LAMC1: variants seen among roughly 807,000 people sequenced by gnomAD.
LAMC1 encodes laminin subunit gamma 1, also known as laminin subunit gamma-1.
In LAMC1, 38 loss-of-function variants were observed where a neutral mutation model predicts 173.6. The observed-to-expected ratio is 0.22, with a 90% CI of 0.17 to 0.29. LAMC1 has a LOEUF of 0.29. LAMC1 is among the 10% of genes least tolerant of loss of function. The probability of loss-of-function intolerance (pLI) is 1.00; values close to 1 mark genes in which losing one functional copy is unlikely to be tolerated. For synonymous variants in LAMC1, 746 were observed against 749.1 expected (o/e 1.00, Z 0.07); for missense variants, 1,824 against 2,051.8 (o/e 0.89, Z 2.14).
chr1:183,062,631 C>T (rs144920002), intron 1 of LAMC1, among the ~76,000 whole-genome samples: 316 of 151,662 alleles, frequency 2.1e-3, no homozygotes, highest in African/African-American at 7.2e-3. Flanking sequence ...GGTGACAGAG[C>T]GAGACTCTGT....
intron 1 of LAMC1, among the ~76,000 whole-genome samples, chr1:183,099,599 T>C (rs1655782318): frequency 6.6e-6 from 1 of 152,168 alleles, no homozygotes; most frequent in Non-Finnish European, 1.5e-5. Flanking sequence ...TTCCTCCCTC[T>C]GGCTGCCCCC....
intron 1 of LAMC1, among the ~76,000 whole-genome samples, chr1:183,039,506 A>T (rs1251578060): frequency 6.6e-6 from 1 of 152,210 alleles, no homozygotes; most frequent in Non-Finnish European, 1.5e-5. Flanking sequence ...ATTTGTGGGA[A>T]CATCTGTAAT....
chr1:183,079,231 G>GTTT (rs1262239438), intron 1 of LAMC1, among the ~76,000 whole-genome samples: 20 of 95,676 alleles, frequency 2.1e-4, no homozygotes, highest in Middle Eastern at 8.9e-3. Flanking sequence ...TCTCTAATCT[G>GTTT]GTTTTTTTTT....
At chr1:183,051,611 C>T (rs1654429914) in intron 1 of LAMC1, among the ~76,000 whole-genome samples, 2 of 152,236 alleles carry the variant, frequency 1.3e-5, no homozygotes, top group African/African-American at 2.4e-5. Flanking sequence ...TACTGAGTCT[C>T]TGGGATTATT....
rs1657084411 is a variant in LAMC1, at chr1:183,140,515, T to C, written c.4573+12T>C. On this transcript the variant is annotated intron_variant, in intron 27 of 27. Coordinates refer to ENST00000258341, the MANE Select transcript of LAMC1 (RefSeq NM_002293.4). ...CTTGGAGCAGCTGGGTACGTAGCCATAGAGTCATTTTTGTCAGTCTCTGAA... is the reference window on the plus strand; with the variant it reads ...CTTGGAGCAGCTGGGTACGTAGCCACAGAGTCATTTTTGTCAGTCTCTGAA... The C allele has an allele frequency of 6.4e-7, 1 of 1,564,068 alleles. No homozygotes were observed. The highest frequency in any genetic ancestry group is 8.8e-7 in the Non-Finnish European group (1 of 1,136,022).
At position 183,138,769 on chromosome 1, in the gene LAMC1, G is replaced by A. The variant is rs148798978; in HGVS notation, c.4473+942G>A. Among the ~76,000 whole-genome samples the A allele has an allele frequency of 4.4e-3, 667 of 152,200 alleles. 6 individuals carry two copies. The highest frequency in any genetic ancestry group is 0.014 in the African/African-American group (599 of 41,522). ...TGGCTCAAGTAAAAATTCCCATAAA[G>A]GTGTCTGGGCGCAGTGGTTCACTCC... On this transcript the variant is annotated intron_variant, in intron 26 of 27. Coordinates refer to ENST00000258341, the MANE Select transcript of LAMC1 (RefSeq NM_002293.4).
intron 1 of LAMC1, among the ~76,000 whole-genome samples, chr1:183,076,481 A>G (rs544960162): frequency 1.3e-5 from 2 of 152,338 alleles, no homozygotes; most frequent in East Asian, 1.9e-4. Flanking sequence ...GATGTTTTCC[A>G]TGACCGTTTG....
intron 1 of LAMC1, among the ~76,000 whole-genome samples, chr1:183,101,967 G>A (rs1173347774): frequency 6.6e-6 from 1 of 152,098 alleles, no homozygotes; most frequent in Non-Finnish European, 1.5e-5. Flanking sequence ...AGCTCGCATG[G>A]GCTTTCTGCT....
intron 1 of LAMC1, among the ~76,000 whole-genome samples, chr1:183,046,967 C>G (rs2102019724): frequency 6.6e-6 from 1 of 152,148 alleles, no homozygotes; most frequent in South Asian, 2.1e-4. Context: ...TGTAAGCTAC[C>G]TCACTTTTTT....
chr1:183,042,397 C>A (rs1654159711), intron 1 of LAMC1, among the ~76,000 whole-genome samples: 1 of 152,286 alleles, frequency 6.6e-6, no homozygotes, highest in East Asian at 1.9e-4. Flanking sequence ...AGAGCTTAGT[C>A]ACTTGGCCAC....
chr1:183,098,749 G>A (rs1346906933), intron 1 of LAMC1, among the ~76,000 whole-genome samples: 1 of 152,086 alleles, frequency 6.6e-6, no homozygotes, highest in Non-Finnish European at 1.5e-5. Context: ...TTTAACTTCT[G>A]CCCCTTAAAA....
intron 1 of LAMC1, among the ~76,000 whole-genome samples, chr1:183,097,105 C>T (rs1655714453): frequency 6.6e-6 from 1 of 152,162 alleles, no homozygotes; most frequent in African/African-American, 2.4e-5. Flanking sequence ...TGAGGTGGAA[C>T]AATAACAGCT....
chr1:183,076,159 C>G (rs923197358), intron 1 of LAMC1, among the ~76,000 whole-genome samples: 19 of 152,082 alleles, frequency 1.2e-4, no homozygotes, highest in African/African-American at 4.1e-4. Context: ...TTTAGCAATT[C>G]CTTTCCAACA....
In LAMC1 at chr1:183,140,425, G is replaced by T. The variant is rs1571469637; in HGVS notation, c.4495G>T (p.Ala1499Ser). 1 of 1,613,262 alleles carries T rather than the reference G, an allele frequency of 6.2e-7. No individual in the cohort carries two copies. The highest frequency in any genetic ancestry group is 8.5e-7 in the Non-Finnish European group (1 of 1,179,620). ...AGMASQAAQE[A>S]EINARKAKNS... The stretch of plus-strand genomic sequence containing the variant: ...ACAGGCTTCACAGGCTGCTCAAGAA[G>T]CCGAGATCAATGCCAGAAAAGCCAA... The change falls in exon 27 of 28, where the codon GCC becomes TCC. Residue 1499 changes from alanine to serine, a missense_variant. By Grantham distance (99) the Ala-to-Ser change is moderately conservative (BLOSUM62 1). Transcript: ENST00000258341.
chr1:183,043,277 G>A (rs760525784), intron 1 of LAMC1, among the ~76,000 whole-genome samples: 3 of 152,016 alleles, frequency 2.0e-5, no homozygotes, highest in Non-Finnish European at 4.4e-5. Flanking sequence ...AAATGTATTC[G>A]TACGAAACAG....
intron 1 of LAMC1, among the ~76,000 whole-genome samples, chr1:183,098,491 A>G (rs576350014): frequency 5.1e-4 from 78 of 152,120 alleles, no homozygotes; most frequent in Admixed American, 2.6e-3. Flanking sequence ...CAGAAATCAC[A>G]CCTCCACAGA....
chr1:183,058,593 C>T (rs1654661155), intron 1 of LAMC1, among the ~76,000 whole-genome samples: 1 of 152,164 alleles, frequency 6.6e-6, no homozygotes, highest in South Asian at 2.1e-4. Context: ...ATACACGGTT[C>T]CCATTTTTCT....
At chr1:183,109,345 A>G (rs1656077130) in intron 3 of LAMC1, among the ~76,000 whole-genome samples, 1 of 152,208 alleles carries the variant, frequency 6.6e-6, no homozygotes, top group South Asian at 2.1e-4. Context: ...GAGGGAATTT[A>G]TATTCCTGTT....
chr1:183,124,973 A>T (rs1656580555), intron 14 of LAMC1, 97 bp downstream of exon 14: 1 of 1,439,340 alleles, frequency 6.9e-7, no homozygotes, highest in African/African-American at 1.4e-5. Context: ...GTTTAGTCCA[A>T]TAGAAATACA....
Sources: gnomAD v4.1 joint callset for allele counts (sites outside exome capture counted in the v4.1 genomes callset) on GRCh38, gnomAD v4.1.1 for gene constraint, MANE v1.5 for transcripts, NCBI Gene and HGNC (gene_info 2026-07-23, HGNC 2026-07-21) for gene names.